NHSL2: variants seen among roughly 807,000 people sequenced by gnomAD.
NHSL2 encodes the protein NHS-like protein 2.
Under a neutral mutation model 53.4 loss-of-function variants are expected in NHSL2, and 27 were observed. The ratio of observed to expected loss-of-function variants is 0.51; its 90% CI spans 0.37 to 0.70. NHSL2 has a LOEUF of 0.70. Ranked by LOEUF, NHSL2 falls within the 30% of genes least tolerant of loss-of-function variation. The probability of loss-of-function intolerance (pLI) is 0.00; values close to 1 mark genes in which losing one functional copy is unlikely to be tolerated. For missense variants in NHSL2, 892 were observed against 980.1 expected, an observed-to-expected ratio of 0.91 and a Z score of 1.20; for synonymous variants, 408 against 404.1, an observed-to-expected ratio of 1.01 and a Z score of -0.12.
intron 1 of NHSL2, among the ~76,000 whole-genome samples, chrX:71,957,226 C>T (rs1280589016): frequency 8.9e-6 from 1 of 112,074 alleles, no homozygotes; most frequent in Non-Finnish European, 1.9e-5. Flanking sequence ...GGTACAATCC[C>T]CCAAGGGGAC....
chrX:71,924,862 T>C (rs1301470429), intron 1 of NHSL2, among the ~76,000 whole-genome samples: 1 of 112,516 alleles, frequency 8.9e-6, no homozygotes. Flanking sequence ...CTCTGTTTTC[T>C]GTTTGTCAGG....
chrX:72,131,340 C>A (rs771903531), intron 1 of NHSL2: 1 of 1,204,710 alleles, frequency 8.3e-7, no homozygotes, highest in Non-Finnish European at 1.1e-6. Context: ...ACTCCAAGTT[C>A]TCCTCCGCAA....
At chrX:72,125,212 G>A (rs1464575323) in intron 1 of NHSL2, among the ~76,000 whole-genome samples, 1 of 112,214 alleles carries the variant, frequency 8.9e-6, no homozygotes, top group African/African-American at 3.2e-5. Context: ...TGAGCCCCTA[G>A]TAAAGGTCAT....
intron 1 of NHSL2, among the ~76,000 whole-genome samples, chrX:72,102,620 A>G (rs2042004362): frequency 1.8e-5 from 2 of 112,541 alleles, no homozygotes; most frequent in Non-Finnish European, 3.7e-5. Flanking sequence ...CCTAATATAT[A>G]AAGTAGCCTT....
Position 71,911,027 on chromosome X carries a change from T to G in NHSL2, c.-61T>G. On this transcript the variant is annotated 5_prime_UTR_variant, in exon 1 of 8. Transcript: ENST00000633930. ...TCAGGGGCGCTCGGGCCAGGGGCGCTGCTCGGGGTGAGCCCGCCGCGCCGC... is the reference window on the plus strand; with the variant it reads ...TCAGGGGCGCTCGGGCCAGGGGCGCGGCTCGGGGTGAGCCCGCCGCGCCGC... The G allele has an allele frequency of 1.1e-6, 1 of 918,308 alleles. No individual in the cohort carries two copies. The highest frequency in any genetic ancestry group is 1.4e-6 in the Non-Finnish European group (1 of 733,094). The allele number at this position is 918,308 out of a possible 1,213,427, so 75.7% of individuals were successfully genotyped here. A position where few individuals can be genotyped will look rare whatever the true frequency, so the allele number is the denominator to read the frequency against.
At chrX:72,071,998 T>G (rs938077383) in intron 1 of NHSL2, among the ~76,000 whole-genome samples, 7 of 112,366 alleles carry the variant, frequency 6.2e-5, no homozygotes, top group Non-Finnish European at 1.3e-4. Flanking sequence ...ACCTCTGACC[T>G]TCTCCTGGGC....
intron 1 of NHSL2, among the ~76,000 whole-genome samples, chrX:72,061,980 G>A (rs887773307): frequency 8.9e-6 from 1 of 112,173 alleles, no homozygotes; most frequent in African/African-American, 3.2e-5. Context: ...GATTATTCGT[G>A]TACTTGGTTA....
chrX:72,051,028 C>A (rs2042337655), intron 1 of NHSL2, among the ~76,000 whole-genome samples: 1 of 111,817 alleles, frequency 8.9e-6, no homozygotes, highest in African/African-American at 3.3e-5. Context: ...GTTTATGCAT[C>A]CATAAATGGT....
chrX:72,109,200 A>C (rs2147473806), intron 1 of NHSL2, among the ~76,000 whole-genome samples: 1 of 112,311 alleles, frequency 8.9e-6, no homozygotes, highest in South Asian at 3.6e-4. Flanking sequence ...GAAAGGGCTA[A>C]GTATTTGTTG....
intron 1 of NHSL2, among the ~76,000 whole-genome samples, chrX:71,971,084 T>A (rs2041923175): frequency 8.9e-6 from 1 of 112,448 alleles, no homozygotes; most frequent in Admixed American, 9.4e-5. Context: ...CTTTTTTTTT[T>A]AACCTCTGTT....
At chrX:71,995,530 A>G (rs890458005) in intron 1 of NHSL2, among the ~76,000 whole-genome samples, 1 of 111,491 alleles carries the variant, frequency 9.0e-6, no homozygotes, top group Non-Finnish European at 1.9e-5. Context: ...CTGATCCCCA[A>G]ACAGCCTCCA....
intron 1 of NHSL2, among the ~76,000 whole-genome samples, chrX:72,111,566 G>A (rs1278564413): frequency 8.9e-6 from 1 of 112,012 alleles, no homozygotes; most frequent in Non-Finnish European, 1.9e-5. Context: ...GAAGAGACTT[G>A]TCCAAAGTCC....
In NHSL2 at chrX:72,138,700, A is replaced by G. The variant is rs2042381606; in HGVS notation, c.1152A>G (p.Thr384=). Residue 384 remains threonine, a synonymous_variant, in exon 6 of 8, where the codon ACA becomes ACG. Coordinates refer to ENST00000633930, the MANE Select transcript of NHSL2 (RefSeq NM_001013627.3). Reference sequence around the variant, plus strand: ...TCCCCAGTTCTTGCAATGGACCTACAGAATCAACCTTCTCCACTTCCTGGA... The same window carrying G: ...TCCCCAGTTCTTGCAATGGACCTACGGAATCAACCTTCTCCACTTCCTGGA... ...YSVPSSCNGP[T]ESTFSTSWKG... The G allele has an allele frequency of 8.3e-7, 1 of 1,201,497 alleles. No individual in the cohort carries two copies. The highest frequency in any genetic ancestry group is 1.1e-6 in the Non-Finnish European group (1 of 889,824).
intron 1 of NHSL2, among the ~76,000 whole-genome samples, chrX:71,943,444 T>C (rs2041778196): frequency 1.8e-5 from 2 of 113,031 alleles, no homozygotes; most frequent in African/African-American, 6.4e-5. Flanking sequence ...GTCCTTGGAC[T>C]ATGGCTTCAG....
At chrX:71,998,802 G>A (rs965966535) in intron 1 of NHSL2, among the ~76,000 whole-genome samples, 2 of 111,309 alleles carry the variant, frequency 1.8e-5, no homozygotes, top group Non-Finnish European at 3.8e-5. Flanking sequence ...CATGCCCCAT[G>A]CTCATTCATG....
chrX:72,067,780 G>A (rs769022559), intron 1 of NHSL2, among the ~76,000 whole-genome samples: 1 of 111,904 alleles, frequency 8.9e-6, no homozygotes, highest in African/African-American at 3.3e-5. Context: ...GCCCAAGCAT[G>A]GGTCACACTA....
At chrX:72,094,124 G>A (rs2041925074) in intron 1 of NHSL2, among the ~76,000 whole-genome samples, 2 of 111,393 alleles carry the variant, frequency 1.8e-5, no homozygotes, top group Non-Finnish European at 3.8e-5. Flanking sequence ...ATCCAACAGT[G>A]TATAAATAGT....
At chrX:72,134,461 C>A in intron 3 of NHSL2, 48 bp from the exon 4 acceptor site, 1 of 1,047,402 alleles carries the variant, frequency 9.5e-7, no homozygotes, top group Non-Finnish European at 1.3e-6. Flanking sequence ...GGCACTGGCT[C>A]ATTGCCAGGC....
intron 1 of NHSL2, among the ~76,000 whole-genome samples, chrX:71,963,971 ATACATATATATATATATATATG>A (rs1569467009): frequency 3.7e-3 from 23 of 6,288 alleles, no homozygotes; most frequent in Admixed American, 0.011. Context: ...ACATATATAT[ATACATATATATATATATATATG>A]TATATACATA....
Sources: allele counts gnomAD v4.1 joint callset (sites outside exome capture counted in the v4.1 genomes callset), GRCh38; gene constraint gnomAD v4.1.1; transcripts MANE v1.5; gene names NCBI Gene and HGNC (gene_info 2026-07-23, HGNC 2026-07-21).